The following SUSD1 variants were observed in gnomAD, a reference collection of about 807,000 sequenced individuals.
SUSD1 encodes sushi domain-containing protein 1.
A neutral mutation model predicts 86.9 loss-of-function variants in SUSD1; 65 were observed. The observed-to-expected ratio is 0.75, with a 90% confidence interval of 0.61 to 0.92. The LOEUF is 0.92. Ranked by LOEUF, SUSD1 falls within the 40% of genes least tolerant of loss-of-function variation. The probability of loss-of-function intolerance (pLI) is 0.00; values close to 1 mark genes in which losing one functional copy is unlikely to be tolerated. For synonymous variants in SUSD1, 346 were observed against 350.0 expected (o/e 0.99, Z 0.13); for missense variants, 850 against 929.7 (o/e 0.91, Z 1.11).
At chr9:112,165,030 C>T (rs1226715411) in intron 1 of SUSD1, among the ~76,000 whole-genome samples, 1 of 152,234 alleles carries the variant, frequency 6.6e-6, no homozygotes, top group Middle Eastern at 3.2e-3. Context: ...TTCAGTTGGT[C>T]TGGGGAGGAG....
chr9:112,098,586 TG>T lies in SUSD1; in HGVS notation c.1357del (p.Gln453LysfsTer4). On this transcript the variant is annotated frameshift_variant, in exon 10 of 17. Coordinates refer to ENST00000374270, the MANE Select transcript of SUSD1 (RefSeq NM_022486.5). LOFTEE classifies it high-confidence loss of function. ...CAGATCCAAACACACTACAGGCACT[TG>T]TTCCCTCGTTGTGAAGTTAAACGAT... is the stretch of plus-strand genomic sequence containing the variant. ...ATSFNFTTRE[Q>X]VPVVCLDLYP... The T allele has an allele frequency of 6.2e-7, 1 of 1,614,204 alleles. No homozygotes were observed. The highest frequency in any genetic ancestry group is 8.5e-7 in the Non-Finnish European group (1 of 1,180,042).
At chr9:112,096,702 G>A (rs1049451653) in intron 10 of SUSD1, among the ~76,000 whole-genome samples, 1 of 151,960 alleles carries the variant, frequency 6.6e-6, no homozygotes, top group Admixed American at 6.6e-5. Flanking sequence ...ACCACACCCA[G>A]CTAATTTTTG....
chr9:112,086,538 AAAAGAAAG>A (rs1207460816), intron 10 of SUSD1, among the ~76,000 whole-genome samples: 11 of 137,904 alleles, frequency 8.0e-5, no homozygotes, highest in South Asian at 2.2e-4. Context: ...GAGAGAGAAA[AAAAGAAAG>A]AAAGAAAGAA....
At chr9:112,132,281 C>A (rs1030293040) in intron 5 of SUSD1, among the ~76,000 whole-genome samples, 3 of 152,052 alleles carry the variant, frequency 2.0e-5, no homozygotes, top group Non-Finnish European at 4.4e-5. Flanking sequence ...ACCAACAATG[C>A]CAATAAATTG....
intron 13 of SUSD1, among the ~76,000 whole-genome samples, chr9:112,062,257 T>A (rs927473001): frequency 6.6e-6 from 1 of 152,134 alleles, no homozygotes; most frequent in Admixed American, 6.6e-5. Flanking sequence ...CCACCATCCA[T>A]AAAGGATGTA....
intron 6 of SUSD1, among the ~76,000 whole-genome samples, chr9:112,121,332 G>A (rs1231038294): frequency 6.6e-6 from 1 of 152,184 alleles, no homozygotes; most frequent in Non-Finnish European, 1.5e-5. Context: ...AACAGCAGAG[G>A]TGAGCTTTCC....
intron 10 of SUSD1, among the ~76,000 whole-genome samples, chr9:112,090,432 A>T (rs920785597): frequency 1.3e-5 from 2 of 152,208 alleles, no homozygotes; most frequent in African/African-American, 2.4e-5. Flanking sequence ...CTACCAAATC[A>T]TCCAAAATCA....
chr9:112,069,748 T>A (rs720865), intron 12 of SUSD1, among the ~76,000 whole-genome samples: 12 of 144,700 alleles, frequency 8.3e-5, no homozygotes, highest in South Asian at 4.6e-4. Flanking sequence ...CTCTAATCTC[T>A]TGGCTAACAT....
In SUSD1 at chr9:112,138,916, G is replaced by A. The variant is rs755733976; in HGVS notation, c.706+3404C>T. 2.9e-4 allele frequency among the ~76,000 whole-genome samples: 44 copies of A among 152,220 alleles called. 1 individual carries two copies. Among genetic ancestry groups the A allele is most frequent in the Admixed American group, 5.2e-4 (8 of 15,288 alleles). On this transcript the variant is annotated intron_variant, in intron 5 of 16. Transcript: ENST00000374270. Reference sequence around the variant, plus strand: ...ATAGTTATAAACAAATATAACCACAGCAAATTAGAAGGCTTTACACTTCTT... The same window carrying A: ...ATAGTTATAAACAAATATAACCACAACAAATTAGAAGGCTTTACACTTCTT...
chr9:112,149,703 T>A (rs1832962969), intron 2 of SUSD1, among the ~76,000 whole-genome samples: 1 of 152,186 alleles, frequency 6.6e-6, no homozygotes, highest in South Asian at 2.1e-4. Flanking sequence ...CTTAAAAAGA[T>A]CTTTTCAGAG....
chr9:112,081,579 T>C (rs1829769049), intron 10 of SUSD1, among the ~76,000 whole-genome samples: 1 of 152,210 alleles, frequency 6.6e-6, no homozygotes, highest in Non-Finnish European at 1.5e-5. Context: ...ATAACTCCAA[T>C]AGTATTTAAA....
chr9:112,142,573 C>T, intron 4 of SUSD1, 74 bp from the exon 5 acceptor site: 10 of 1,429,214 alleles, frequency 7.0e-6, no homozygotes, highest in Non-Finnish European at 7.7e-6. Context: ...CTCTCCACCT[C>T]TACCCTATTC....
intron 6 of SUSD1, among the ~76,000 whole-genome samples, chr9:112,120,297 A>G (rs995617790): frequency 5.9e-5 from 9 of 152,258 alleles, no homozygotes; most frequent in Non-Finnish European, 8.8e-5. Context: ...GTGAGACTCC[A>G]TCTCCAACAA....
At chr9:112,150,870 C>T (rs752401795) in intron 2 of SUSD1, among the ~76,000 whole-genome samples, 8 of 152,212 alleles carry the variant, frequency 5.3e-5, no homozygotes, top group Non-Finnish European at 8.8e-5. Flanking sequence ...GGACTGGAAG[C>T]TGCTCTAGGT....
In SUSD1 at chr9:112,152,282, A is replaced by AT. The variant is rs374137269; in HGVS notation, c.218-2884dup. 4.3e-3 allele frequency among the ~76,000 whole-genome samples: 649 copies of AT among 152,078 alleles called. 3 individuals are homozygous for AT. The highest frequency in any genetic ancestry group is 0.015 in the African/African-American group (631 of 41,490). ...GTAGCTTTTTTACTTAAACTTTTCA[A>AT]TTTTTTTAACTTATTGACTCTTTTG... On this transcript the variant is annotated intron_variant, in intron 2 of 16. Coordinates refer to ENST00000374270, the MANE Select transcript of SUSD1 (RefSeq NM_022486.5).
intron 10 of SUSD1, among the ~76,000 whole-genome samples, chr9:112,085,948 T>C (rs1449892744): frequency 6.7e-6 from 1 of 149,130 alleles, no homozygotes; most frequent in Non-Finnish European, 1.5e-5. Context: ...TAAAATAAAA[T>C]AAAACAACAT....
chr9:112,081,794 C>T (rs1001422536), intron 10 of SUSD1, among the ~76,000 whole-genome samples: 5 of 152,076 alleles, frequency 3.3e-5, no homozygotes, highest in African/African-American at 4.8e-5. Context: ...CAATACACTA[C>T]GACCAAAGAT....
rs1486323032 is a variant in SUSD1, at chr9:112,069,784, A to G, written c.1754-6751T>C. The stretch of plus-strand genomic sequence containing the variant: ...TTTAAAACCACACAGGAGAAGCAGA[A>G]CAAAGTACTCACTGAGCTCAGAAGA... On this transcript the variant is annotated intron_variant, in intron 12 of 16. Coordinates refer to ENST00000374270, the MANE Select transcript of SUSD1 (RefSeq NM_022486.5). Among the ~76,000 whole-genome samples, 5 of 151,282 alleles carry G rather than the reference A, an allele frequency of 3.3e-5. No homozygotes were observed. In the East Asian group the frequency reaches 9.8e-4, roughly 30 times the overall value.
intron 3 of SUSD1, 39 bp downstream of exon 3, chr9:112,149,205 A>G (rs1319965115): frequency 1.2e-6 from 2 of 1,610,270 alleles, no homozygotes; most frequent in African/African-American, 1.3e-5. Context: ...CTATCCTGCC[A>G]TCGCCAATTG....
Sources: allele counts gnomAD v4.1 joint callset (sites outside exome capture counted in the v4.1 genomes callset), GRCh38; gene constraint gnomAD v4.1.1; transcripts MANE v1.5; gene names NCBI Gene and HGNC (gene_info 2026-07-23, HGNC 2026-07-21).